Variants in SRD5A2 observed in about 807,000 individuals in gnomAD.
SRD5A2 encodes the protein 3-oxo-5-alpha-steroid 4-dehydrogenase 2.
A neutral mutation model predicts 27.4 loss-of-function variants in SRD5A2; 30 were observed. That is an observed-to-expected ratio of 1.10 (90% confidence interval 0.82 to 1.49). The LOEUF is 1.49. Ranked by LOEUF, SRD5A2 falls within the 40% of genes most tolerant of loss-of-function variation. The pLI is 0.00. For missense variants in SRD5A2, 348 were observed against 323.4 expected (o/e 1.08, Z -0.58); for synonymous variants, 141 against 133.6 (o/e 1.06, Z -0.38).
chr2:31,531,327 G>C, intron 3 of SRD5A2, 44 bp downstream of exon 3: 1 of 1,375,834 alleles, frequency 7.3e-7, no homozygotes, highest in Non-Finnish European at 1.0e-6. Flanking sequence ...CCCTGGGACA[G>C]GCTCCAGGGA....
In SRD5A2 at chr2:31,568,522, G is replaced by A. The variant is rs1666784173; in HGVS notation, c.281+12098C>T. On this transcript the variant is annotated intron_variant, in intron 1 of 4. Coordinates refer to ENST00000622030, the MANE Select transcript of SRD5A2 (RefSeq NM_000348.4). The stretch of plus-strand genomic sequence containing the variant: ...AGAGTTTTTATAGCCTCAGAAGGAA[G>A]GGCGTGCTGATTGGTCCATGGGCCA... 2.0e-5 allele frequency among the ~76,000 whole-genome samples: 3 copies of A among 152,144 alleles called. No individual in the cohort carries two copies. In the South Asian group the frequency reaches 6.2e-4, roughly 32 times the overall value.
the SRD5A2 span, among the ~76,000 whole-genome samples, chr2:31,601,476 CTACCAGAGG>C: frequency 4.6e-5 from 7 of 152,040 alleles, no homozygotes; most frequent in Non-Finnish European, 1.0e-4. Context: ...CAGCTTAATT[CTACCAGAGG>C]TACAAGGAAG....
chr2:31,568,287 G>T (rs551122446), intron 1 of SRD5A2, among the ~76,000 whole-genome samples: 1 of 152,118 alleles, frequency 6.6e-6, no homozygotes, highest in Non-Finnish European at 1.5e-5. Context: ...TTTCAGACCT[G>T]TTTGTGTTAC....
intron 1 of SRD5A2, among the ~76,000 whole-genome samples, chr2:31,568,435 A>C (rs1399880367): frequency 6.6e-6 from 1 of 152,200 alleles, no homozygotes; most frequent in Non-Finnish European, 1.5e-5. Flanking sequence ...CGGGAGACCC[A>C]AAGTGGGCAG....
At chr2:31,645,874 A>G in the SRD5A2 span, among the ~76,000 whole-genome samples, 2 of 152,128 alleles carry the variant, frequency 1.3e-5, no homozygotes, top group African/African-American at 4.8e-5. Flanking sequence ...TCATGCACAT[A>G]TAAAGTATAT....
chr2:31,546,635 T>C (rs1296177102), intron 1 of SRD5A2, among the ~76,000 whole-genome samples: 1 of 152,020 alleles, frequency 6.6e-6, no homozygotes, highest in Non-Finnish European at 1.5e-5. Flanking sequence ...TGGGGACTAA[T>C]AAAGTGGGAA....
upstream of SRD5A2, among the ~76,000 whole-genome samples, chr2:31,583,646 AAAAACC>A (rs1558379479): frequency 2.0e-4 from 6 of 29,364 alleles, no homozygotes; most frequent in African/African-American, 6.0e-4. Context: ...AAAGCAAAAA[AAAAACC>A]AAAAAAAAAG....
chr2:31,586,152 G>A, the SRD5A2 span, among the ~76,000 whole-genome samples: 16 of 152,040 alleles, frequency 1.1e-4, no homozygotes, highest in African/African-American at 2.4e-4. Context: ...TCACCCAAGC[G>A]GTGTACGCCG....
the SRD5A2 span, among the ~76,000 whole-genome samples, chr2:31,592,323 C>T: frequency 6.6e-6 from 1 of 152,176 alleles, no homozygotes; most frequent in Non-Finnish European, 1.5e-5. Flanking sequence ...CCACCACCTA[C>T]AACACCCTGG....
At chr2:31,565,163 T>C (rs971002099) in intron 1 of SRD5A2, among the ~76,000 whole-genome samples, 2 of 151,848 alleles carry the variant, frequency 1.3e-5, no homozygotes, top group African/African-American at 4.8e-5. Flanking sequence ...AAATTTAAGA[T>C]ACATGCAATA....
rs61748123 is a variant in SRD5A2, at chr2:31,580,750, C to T, written c.151G>A (p.Ala51Thr). ...GGCAGCTCCTGCAGGAACCAGGCGG[C>T]GCGGGCTGGCAGGCGGGTAGCCGCC... Reference protein sequence around the residue: ...KPAATRLPARAAWFLQELPSF... With the variant: ...KPAATRLPARTAWFLQELPSF... Residue 51 changes from alanine to threonine, a missense_variant, in exon 1 of 5, where the codon GCC becomes ACC. Ala to Thr is a moderately conservative substitution (Grantham distance 58). Transcript: ENST00000622030. The T allele has an allele frequency of 2.5e-5, 41 of 1,610,268 alleles. No individual in the cohort carries two copies. Among genetic ancestry groups the T allele is most frequent in the African/African-American group, 2.0e-4 (15 of 75,058 alleles).
At chr2:31,572,773 T>C (rs1297800146) in intron 1 of SRD5A2, among the ~76,000 whole-genome samples, 1 of 152,146 alleles carries the variant, frequency 6.6e-6, no homozygotes, top group Non-Finnish European at 1.5e-5. Context: ...CCAGAGTCTA[T>C]ACATGAAAAA....
the SRD5A2 span, among the ~76,000 whole-genome samples, chr2:31,635,757 G>C: frequency 2.0e-5 from 3 of 151,950 alleles, no homozygotes; most frequent in Non-Finnish European, 4.4e-5. Flanking sequence ...TAGAGGTGTA[G>C]ATTTTTTCTT....
intron 1 of SRD5A2, among the ~76,000 whole-genome samples, chr2:31,541,964 G>A (rs139243894): frequency 2.6e-4 from 40 of 152,292 alleles, no homozygotes; most frequent in African/African-American, 8.7e-4. Flanking sequence ...ACCACCATGG[G>A]CTTAAGTGCT....
At chr2:31,648,539 C>T in the SRD5A2 span, among the ~76,000 whole-genome samples, 105 of 152,322 alleles carry the variant, frequency 6.9e-4, no homozygotes, top group Non-Finnish European at 1.4e-3. Context: ...ACATCAAAGG[C>T]AATGTGAGTC....
chr2:31,562,239 T>A (rs1205962003), intron 1 of SRD5A2, among the ~76,000 whole-genome samples: 1 of 152,146 alleles, frequency 6.6e-6, no homozygotes, highest in Non-Finnish European at 1.5e-5. Flanking sequence ...TTTTAAAAAA[T>A]TTTTATGTTT....
At chr2:31,617,133 A>G in the SRD5A2 span, among the ~76,000 whole-genome samples, 1 of 152,164 alleles carries the variant, frequency 6.6e-6, no homozygotes, top group Admixed American at 6.5e-5. Flanking sequence ...AGGAACTGTA[A>G]GTCCATTAAA....
chr2:31,627,272 C>T, the SRD5A2 span, among the ~76,000 whole-genome samples: 1 of 151,936 alleles, frequency 6.6e-6, no homozygotes, highest in African/African-American at 2.4e-5. Flanking sequence ...ATAATAGAGT[C>T]TGAGGGTGTT....
intron 1 of SRD5A2, among the ~76,000 whole-genome samples, chr2:31,559,289 T>G (rs1019483456): frequency 3.0e-4 from 45 of 152,178 alleles, no homozygotes; most frequent in African/African-American, 1.1e-3. Context: ...AAGAAAAAAA[T>G]GAGTAAGCTG....
Sources: allele counts gnomAD v4.1 joint callset (sites outside exome capture counted in the v4.1 genomes callset), GRCh38; gene constraint gnomAD v4.1.1; transcripts MANE v1.5; gene names NCBI Gene and HGNC (gene_info 2026-07-23, HGNC 2026-07-21).